Variants in SYNJ2 observed in about 807,000 individuals in gnomAD.
The protein encoded by SYNJ2 is polyphosphatidylinositol phosphatase SYNJ2.
A neutral mutation model predicts 141.3 loss-of-function variants in SYNJ2; 116 were observed. The ratio of observed to expected loss-of-function variants is 0.82; its 90% confidence interval spans 0.71 to 0.96. The LOEUF is 0.96. Ranked by LOEUF, SYNJ2 falls within the 40% of genes least tolerant of loss-of-function variation. SYNJ2 has a pLI of 0.00. For missense variants in SYNJ2, 1,873 were observed against 1,934.8 expected (o/e 0.97, Z 0.60); for synonymous variants, 745 against 777.7 (o/e 0.96, Z 0.70).
At position 158,066,497 on chromosome 6, in the gene SYNJ2, T is replaced by A. The variant is rs1781572675; in HGVS notation, c.1579T>A (p.Phe527Ile). ...MTERQSEFTN[F>I]KRIRIAMGTW... ...TGAGCGTCAGTCCGAATTCACAAAT[T>A]TCAAGCGGATCCGGATTGCTATGGG... The change falls in exon 12 of 27, where the codon TTC (phenylalanine) becomes ATC (isoleucine). Residue 527 changes from phenylalanine to isoleucine, a missense_variant. By Grantham distance (21) the Phe-to-Ile change is conservative (BLOSUM62 0). Transcript: ENST00000355585. The A allele has an allele frequency of 1.2e-6, 2 of 1,614,018 alleles. No individual in the cohort carries two copies. Among genetic ancestry groups the A allele is most frequent in the Admixed American group, 1.7e-5 (1 of 59,996 alleles).
chr6:157,988,611 A>G (rs1777296848), intron 1 of SYNJ2, among the ~76,000 whole-genome samples: 1 of 152,058 alleles, frequency 6.6e-6, no homozygotes, highest in Admixed American at 6.5e-5. Flanking sequence ...TTGGCTGCTC[A>G]GTTTCTGTTG....
chr6:157,994,563 G>A (rs1464948084), intron 1 of SYNJ2, among the ~76,000 whole-genome samples: 2 of 152,224 alleles, frequency 1.3e-5, no homozygotes, highest in Non-Finnish European at 2.9e-5. Context: ...GCGGTGGGTG[G>A]CGAGCTCAGA....
In SYNJ2 at chr6:158,086,951, C is replaced by G. The variant is rs377245636; in HGVS notation, c.3305C>G (p.Pro1102Arg). The G allele has an allele frequency of 6.2e-7, 1 of 1,603,422 alleles. No individual in the cohort carries two copies. Among genetic ancestry groups the G allele is most frequent in the African/African-American group, 1.3e-5 (1 of 74,784 alleles). ...PSRSLSVPNR[P>R]RPPQPPQRPP... Reference sequence around the variant, plus strand: ...AGGTCTCTGTCGGTCCCCAACCGGCCTCGGCCACCTCAACCCCCGCAGAGA... The same window carrying G: ...AGGTCTCTGTCGGTCCCCAACCGGCGTCGGCCACCTCAACCCCCGCAGAGA... Residue 1102 changes from proline to arginine, a missense_variant, in exon 23 of 27, where the codon CCT (proline) becomes CGT (arginine). Coordinates refer to ENST00000355585, the MANE Select transcript of SYNJ2 (RefSeq NM_003898.4).
rs1438385036 is a variant in SYNJ2 at position 158,096,107 on chromosome 6, C to T, written c.4234C>T (p.Gln1412Ter). 2.5e-6 allele frequency: 4 copies of T among 1,614,252 alleles called. No individual in the cohort carries two copies. The highest frequency in any genetic ancestry group is 3.4e-6 in the Non-Finnish European group (4 of 1,180,048). The change falls in exon 27 of 27, where the codon CAG becomes TAG. Residue 1412 changes from glutamine to a stop codon, truncating the protein, a stop_gained. Coordinates refer to ENST00000355585, the MANE Select transcript of SYNJ2 (RefSeq NM_003898.4). LOFTEE classifies it low-confidence loss of function (END_TRUNC). ...GGCAGCCCCACTTCTTGGTGATTAT[C>T]AGGACCCCTTCTGGAACCTTCTTCA... The part of the protein sequence containing the change: ...PEAAPLLGDY[Q>*]DPFWNLLHHP...
chr6:158,067,501 A>C (rs980785903), intron 12 of SYNJ2: 153 of 985,378 alleles, frequency 1.6e-4, no homozygotes, highest in Non-Finnish European at 1.8e-4. Flanking sequence ...CCCAGAACTT[A>C]GGATCTGAAG....
At chr6:158,068,265 A>C (rs763358601) in intron 12 of SYNJ2, among the ~76,000 whole-genome samples, 18 of 151,870 alleles carry the variant, frequency 1.2e-4, no homozygotes, top group African/African-American at 1.7e-4. Flanking sequence ...ATGTCCTCCT[A>C]GCTGGACCCT....
At chr6:158,060,224 G>A (rs1219484805) in intron 7 of SYNJ2, among the ~76,000 whole-genome samples, 4 of 152,232 alleles carry the variant, frequency 2.6e-5, no homozygotes, top group Admixed American at 2.0e-4. Context: ...GACTTCCTTG[G>A]GGGGCTTTTC....
At chr6:158,086,688 C>T (rs973828571) in intron 22 of SYNJ2, among the ~76,000 whole-genome samples, 167 bp from the exon 23 acceptor site, 1 of 151,284 alleles carries the variant, frequency 6.6e-6, no homozygotes, top group East Asian at 1.9e-4. Context: ...GTGCCCTCCC[C>T]GCCCCCGCCC....
intron 2 of SYNJ2, 39 bp from the exon 3 acceptor site, chr6:158,028,717 A>C: frequency 2.5e-6 from 4 of 1,600,292 alleles, no homozygotes; most frequent in Non-Finnish European, 3.4e-6. Context: ...GGCCGGGCCG[A>C]CTTCGACCCT....
At chr6:158,085,946 G>A (rs1273304117) in intron 22 of SYNJ2, among the ~76,000 whole-genome samples, 1 of 152,162 alleles carries the variant, frequency 6.6e-6, no homozygotes, top group East Asian at 1.9e-4. Context: ...TTCTCTCGGG[G>A]GTGGCCGTCA....
chr6:158,047,056 G>A (rs774335882), intron 5 of SYNJ2, among the ~76,000 whole-genome samples: 1 of 152,180 alleles, frequency 6.6e-6, no homozygotes, highest in Non-Finnish European at 1.5e-5. Flanking sequence ...CCAAGTTTGT[G>A]GAGTCGTGGC....
chr6:158,008,615 G>A lies in SYNJ2; in HGVS notation c.128-8589G>A, dbSNP rs1404152343. On this transcript the variant is annotated intron_variant, in intron 1 of 26. Coordinates refer to ENST00000355585, the MANE Select transcript of SYNJ2 (RefSeq NM_003898.4). ...GAGAAGGTGGAGTTGGTGGGTACGT[G>A]GTAATGAAGGTACAAGGGTTTATTA... Among the ~76,000 whole-genome samples the A allele has an allele frequency of 6.6e-5, 10 of 152,252 alleles. No homozygotes were observed. In the East Asian group the frequency reaches 1.9e-3, roughly 29 times the overall value.
chr6:158,074,536 C>T (rs192423954), intron 15 of SYNJ2, 44 bp from the exon 16 acceptor site: 411 of 1,591,518 alleles, frequency 2.6e-4, no homozygotes, highest in Non-Finnish European at 3.2e-4. Context: ...TCCCACCTTC[C>T]TTGCAAGATG....
At chr6:158,060,050 G>A (rs1781115427) in intron 7 of SYNJ2, among the ~76,000 whole-genome samples, 1 of 152,322 alleles carries the variant, frequency 6.6e-6, no homozygotes, top group African/African-American at 2.4e-5. Flanking sequence ...CTGGTCCTGG[G>A]TGAGTTCCCC....
chr6:158,078,343 G>C (rs949790773), intron 18 of SYNJ2, 62 bp downstream of exon 18: 5 of 1,070,634 alleles, frequency 4.7e-6, no homozygotes, highest in Non-Finnish European at 5.7e-6. Flanking sequence ...CTCCCTCTCC[G>C]CAGGAAAATG....
Position 158,095,905 on chromosome 6 carries a change from C to G in SYNJ2, c.4032C>G (p.Phe1344Leu), listed in dbSNP as rs1436316547. The change falls in exon 27 of 27, where the codon TTC (phenylalanine) becomes TTG (leucine). Residue 1344 changes from phenylalanine to leucine, a missense_variant. Phe to Leu is a conservative substitution (Grantham distance 22, BLOSUM62 0). Coordinates refer to ENST00000355585, the MANE Select transcript of SYNJ2 (RefSeq NM_003898.4). ...GGAAGAAGTCAGCCCCCGCAGCCTT[C>G]CACCTGCAGGTCCTGCAGAGCAACA... ...PRRKKSAPAA[F>L]HLQVLQSNSQ... 1 of 1,614,150 alleles carries G rather than the reference C, an allele frequency of 6.2e-7. No individual in the cohort carries two copies. Among genetic ancestry groups the G allele is most frequent in the East Asian group, 2.2e-5 (1 of 44,886 alleles).
chr6:158,002,663 G>A (rs894055038), intron 1 of SYNJ2, among the ~76,000 whole-genome samples: 9 of 152,164 alleles, frequency 5.9e-5, no homozygotes, highest in African/African-American at 2.2e-4. Flanking sequence ...CCTCCCTCTT[G>A]TCAAAAGAGA....
chr6:158,074,368 A>G (rs572083983), intron 15 of SYNJ2, among the ~76,000 whole-genome samples: 2 of 152,262 alleles, frequency 1.3e-5, no homozygotes, highest in East Asian at 3.9e-4. Context: ...CAGAAACACT[A>G]TTATTTAAAA....
At chr6:158,012,241 G>A (rs9459125) in intron 1 of SYNJ2, among the ~76,000 whole-genome samples, 84,485 of 151,994 alleles carry the variant, frequency 0.56, 24,242 homozygotes, top group Middle Eastern at 0.73. Flanking sequence ...CTGTGGGCTG[G>A]AAGGCCCACA....
Sources: allele counts gnomAD v4.1 joint callset (sites outside exome capture counted in the v4.1 genomes callset), GRCh38; gene constraint gnomAD v4.1.1; transcripts MANE v1.5; gene names NCBI Gene and HGNC (gene_info 2026-07-23, HGNC 2026-07-21).